SAMD12: variants seen among roughly 807,000 people sequenced by gnomAD.
The protein encoded by SAMD12 is sterile alpha motif domain-containing protein 12.
Under a neutral mutation model 15.0 loss-of-function variants are expected in SAMD12, and 9 were observed. That is an observed-to-expected ratio of 0.60 (90% CI 0.36 to 1.05). The LOEUF (loss-of-function observed/expected upper bound fraction) is 1.05, where lower values mean the gene tolerates loss of function less well. SAMD12 is among the 50% of genes least tolerant of loss of function. SAMD12 has a pLI of 0.01. For missense variants in SAMD12, 230 were observed against 234.2 expected (o/e 0.98, Z 0.12); for synonymous variants, 86 against 90.1 (o/e 0.96, Z 0.25).
chr8:118,293,054 T>TA (rs1190253284), intron 4 of SAMD12, among the ~76,000 whole-genome samples: 2 of 145,448 alleles, frequency 1.4e-5, no homozygotes, highest in East Asian at 2.0e-4. Flanking sequence ...AGTATAATAA[T>TA]AAAAAAACAA....
intron 2 of SAMD12, among the ~76,000 whole-genome samples, chr8:118,444,352 C>T (rs1205757891): frequency 3.3e-5 from 5 of 152,098 alleles, no homozygotes; most frequent in African/African-American, 1.2e-4. Context: ...GTTATCTTAA[C>T]CCCTATGCAT....
chr8:118,142,715 T>G, the SAMD12 span, among the ~76,000 whole-genome samples: 2 of 152,218 alleles, frequency 1.3e-5, no homozygotes, highest in Non-Finnish European at 2.9e-5. Flanking sequence ...ATAAGTTCTT[T>G]GATGTCAAAA....
intron 3 of SAMD12, among the ~76,000 whole-genome samples, chr8:118,409,591 A>G (rs556621650): frequency 9.9e-5 from 15 of 152,254 alleles, no homozygotes; most frequent in African/African-American, 3.6e-4. Flanking sequence ...ATTAGTTGGA[A>G]GGTCAGGATG....
chr8:118,594,008 A>G (rs995209382), intron 1 of SAMD12, among the ~76,000 whole-genome samples: 7 of 152,168 alleles, frequency 4.6e-5, no homozygotes, highest in Non-Finnish European at 8.8e-5. Context: ...TCTTTGAATA[A>G]CCTGTCCCCC....
chr8:118,322,643 C>G (rs1304201985), intron 4 of SAMD12, among the ~76,000 whole-genome samples: 1 of 152,192 alleles, frequency 6.6e-6, no homozygotes, highest in African/African-American at 2.4e-5. Context: ...AAATCCTGGG[C>G]TGTGGTATAA....
intron 4 of SAMD12, among the ~76,000 whole-genome samples, chr8:118,309,954 C>T (rs542814127): frequency 1.7e-4 from 26 of 152,140 alleles, no homozygotes; most frequent in Non-Finnish European, 2.8e-4. Context: ...TTGCAGAGAC[C>T]ATTGAAGGTA....
At chr8:118,197,685 C>G (rs780837110) in exon 5 of SAMD12, 1 of 1,607,098 alleles carries the variant, frequency 6.2e-7, no homozygotes, top group Non-Finnish European at 8.5e-7. Flanking sequence ...ACTGGCAGGA[C>G]AGCAGCTTGG....
intron 2 of SAMD12, among the ~76,000 whole-genome samples, chr8:118,474,338 C>A (rs1586746471): frequency 1.3e-5 from 2 of 152,282 alleles, no homozygotes; most frequent in Non-Finnish European, 2.9e-5. Context: ...TCCTCATTAT[C>A]TAATGAACAC....
chr8:118,340,589 C>A (rs140201285), intron 4 of SAMD12, among the ~76,000 whole-genome samples: 66 of 152,190 alleles, frequency 4.3e-4, no homozygotes, highest in African/African-American at 1.6e-3. Flanking sequence ...GCCAATATGG[C>A]GAAACCCTGT....
At chr8:118,531,718 GCTCT>G (rs1258899449) in intron 2 of SAMD12, among the ~76,000 whole-genome samples, 2 of 152,006 alleles carry the variant, frequency 1.3e-5, no homozygotes, top group African/African-American at 4.8e-5. Context: ...TCATGATTTG[GCTCT>G]CTGTTTGTCT....
intron 2 of SAMD12, among the ~76,000 whole-genome samples, chr8:118,442,090 C>A (rs747879631): frequency 5.9e-5 from 9 of 152,160 alleles, no homozygotes; most frequent in African/African-American, 1.4e-4. Flanking sequence ...TGAGTGAATC[C>A]TTGACCCACA....
At chr8:118,467,925 G>A (rs1425198212) in intron 2 of SAMD12, among the ~76,000 whole-genome samples, 4 of 152,310 alleles carry the variant, frequency 2.6e-5, no homozygotes, top group Middle Eastern at 3.4e-3. Context: ...TATGGACCAC[G>A]AGTGCATAAA....
intron 4 of SAMD12, among the ~76,000 whole-genome samples, chr8:118,304,315 C>G (rs957770725): frequency 2.0e-5 from 3 of 152,176 alleles, no homozygotes; most frequent in African/African-American, 7.2e-5. Flanking sequence ...TTTTTAGAAA[C>G]AGAGATGGGT....
intron 4 of SAMD12, among the ~76,000 whole-genome samples, chr8:118,291,541 G>A (rs1278443253): frequency 1.3e-5 from 2 of 152,090 alleles, no homozygotes; most frequent in African/African-American, 4.8e-5. Flanking sequence ...TCTTTACTGA[G>A]CCCAAATCAG....
intron 1 of SAMD12, among the ~76,000 whole-genome samples, chr8:118,605,293 A>C (rs1303026509): frequency 6.6e-6 from 1 of 152,258 alleles, no homozygotes; most frequent in Non-Finnish European, 1.5e-5. Flanking sequence ...GGAAAATGAG[A>C]TTACTTACTG....
chr8:118,187,446 A>T (rs1819260740), downstream of SAMD12, among the ~76,000 whole-genome samples: 1 of 152,208 alleles, frequency 6.6e-6, no homozygotes, highest in Non-Finnish European at 1.5e-5. Flanking sequence ...GATCAATAGG[A>T]AACTAAAATG....
At chr8:118,272,024 A>C (rs1439467150) in intron 4 of SAMD12, among the ~76,000 whole-genome samples, 1 of 152,192 alleles carries the variant, frequency 6.6e-6, no homozygotes, top group Non-Finnish European at 1.5e-5. Context: ...GCAGTGCCCC[A>C]GTGGGGACTC....
chr8:118,476,824 T>C (rs953759267), intron 2 of SAMD12, among the ~76,000 whole-genome samples: 1 of 152,206 alleles, frequency 6.6e-6, no homozygotes, highest in Admixed American at 6.5e-5. Flanking sequence ...GTAACCTTAA[T>C]GCTCAGAAAA....
chr8:118,191,793 TATATATATATATATATATAG>T (rs1451128863), exon 5 of SAMD12: 69 of 53,444 alleles, frequency 1.3e-3, no homozygotes, highest in Middle Eastern at 6.9e-3. Flanking sequence ...TATATATATA[TATATATATATATATATATAG>T]AGAGAGAGAG....
Sources: gnomAD v4.1 joint callset for allele counts (sites outside exome capture counted in the v4.1 genomes callset) on GRCh38, gnomAD v4.1.1 for gene constraint, MANE v1.5 for transcripts, NCBI Gene and HGNC (gene_info 2026-07-23, HGNC 2026-07-21) for gene names.